The following TBL1X variants were observed in gnomAD, a reference collection of about 807,000 sequenced individuals.
TBL1X encodes the protein transducin beta like 1 X-linked.
TBL1X carries 10 observed loss-of-function variants against 50.7 expected under a neutral mutation model. The observed-to-expected ratio is 0.20, with a 90% CI of 0.12 to 0.33. The LOEUF (loss-of-function observed/expected upper bound fraction) is 0.33. TBL1X is among the 10% of genes least tolerant of loss of function. The probability of loss-of-function intolerance (pLI) is 1.00; values close to 1 mark genes in which losing one functional copy is unlikely to be tolerated. For missense variants in TBL1X, 340 were observed against 504.4 expected, an observed-to-expected ratio of 0.67 and a Z score of 3.12; for synonymous variants, 190 against 214.7, an observed-to-expected ratio of 0.88 and a Z score of 1.01.
intron 5 of TBL1X, among the ~76,000 whole-genome samples, chrX:9,673,806 G>A (rs1355401894): frequency 8.9e-6 from 1 of 112,189 alleles, no homozygotes; most frequent in Non-Finnish European, 1.9e-5. Context: ...GCTCACGCCT[G>A]TAGTAATCCC....
rs1255231631 is a variant in TBL1X, at chrX:9,664,821, A to G, written c.211+10499A>G. On this transcript the variant is annotated intron_variant, in intron 5 of 17. Transcript: ENST00000645353. ...TTTCTTGGCCTTGGCACTATTGACA[A>G]TGGCGGCTGGATTGTTCTTCATCTT... Among the ~76,000 whole-genome samples the G allele has an allele frequency of 2.7e-5, 3 of 111,217 alleles. No individual in the cohort carries two copies. The Admixed American group carries it at 2.9e-4, about 11-fold the overall frequency.
chrX:9,716,570 T>C lies in TBL1X; in HGVS notation c.*324T>C, dbSNP rs996522817. On this transcript the variant is annotated 3_prime_UTR_variant, in exon 18 of 18. Transcript: ENST00000645353. The stretch of plus-strand genomic sequence containing the variant: ...CGGAACAGGCTCTGTGATGGCTGAA[T>C]GGAAAGAAACGTAAAAAGCTGTGCC... 6.7e-5 allele frequency: 11 copies of C among 163,414 alleles called. No homozygotes were observed. The highest frequency in any genetic ancestry group is 3.5e-4 in the African/African-American group (11 of 31,716). The allele number at this position is 163,414 out of a possible 1,213,427, so 13.5% of individuals were successfully genotyped here.
At chrX:9,665,488 GCTATATATATATATATATATATATATAT>G (rs1399294845) in intron 5 of TBL1X, among the ~76,000 whole-genome samples, 1 of 15,063 alleles carries the variant, frequency 6.6e-5, no homozygotes, top group East Asian at 2.9e-3. Flanking sequence ...TGATATTCAA[GCTATATATATATATATATATATATATAT>G]ATATATATAT....
At chrX:9,497,853 CTG>C (rs2081980415) in intron 1 of TBL1X, among the ~76,000 whole-genome samples, 1 of 90,430 alleles carries the variant, frequency 1.1e-5, no homozygotes. Context: ...CTCTCTCTCT[CTG>C]TCTCCCTCTC....
chrX:9,656,772 G>A (rs1257325318), intron 5 of TBL1X, among the ~76,000 whole-genome samples: 4 of 112,224 alleles, frequency 3.6e-5, no homozygotes, highest in African/African-American at 1.3e-4. Context: ...TGTATTCAAA[G>A]GAAGAAGGGA....
intron 2 of TBL1X, among the ~76,000 whole-genome samples, chrX:9,532,635 G>C (rs1167431919): frequency 9.0e-6 from 1 of 111,256 alleles, no homozygotes; most frequent in Non-Finnish European, 1.9e-5. Context: ...CACAGTCCTG[G>C]AGGTTCTAAG....
chrX:9,496,289 C>T (rs1179710121), intron 1 of TBL1X, among the ~76,000 whole-genome samples: 1 of 112,005 alleles, frequency 8.9e-6, no homozygotes, highest in Non-Finnish European at 1.9e-5. Flanking sequence ...GGCCAACAAG[C>T]CAGAGAACCC....
At chrX:9,503,232 G>T (rs940347523) in intron 2 of TBL1X, among the ~76,000 whole-genome samples, 1 of 111,798 alleles carries the variant, frequency 8.9e-6, no homozygotes, top group Non-Finnish European at 1.9e-5. Flanking sequence ...CCTCACTCCA[G>T]ATAAGGCAGG....
chrX:9,572,369 C>T (rs2082390560), intron 2 of TBL1X, among the ~76,000 whole-genome samples: 1 of 113,026 alleles, frequency 8.8e-6, no homozygotes, highest in Non-Finnish European at 1.9e-5. Flanking sequence ...AGCCGGCCTT[C>T]GCCATGTCCC....
chrX:9,569,368 T>G (rs748001811), intron 2 of TBL1X, among the ~76,000 whole-genome samples: 9 of 108,938 alleles, frequency 8.3e-5, no homozygotes, highest in Non-Finnish European at 1.7e-4. Context: ...GTGTGTGGTG[T>G]GCTGTGTGTG....
At chrX:9,643,848 G>A (rs763590476) in intron 3 of TBL1X, among the ~76,000 whole-genome samples, 63 of 112,116 alleles carry the variant, frequency 5.6e-4, no homozygotes, top group Non-Finnish European at 1.1e-3. Context: ...GCAACACAGT[G>A]AGACCCTGTC....
intron 1 of TBL1X, among the ~76,000 whole-genome samples, chrX:9,480,642 G>A (rs2081876499): frequency 9.1e-6 from 1 of 110,055 alleles, no homozygotes; most frequent in Non-Finnish European, 1.9e-5. Context: ...AAATTCTTGA[G>A]TTATTATGGC....
intron 13 of TBL1X, among the ~76,000 whole-genome samples, chrX:9,708,052 G>A (rs2083220307): frequency 8.9e-6 from 1 of 112,268 alleles, no homozygotes; most frequent in African/African-American, 3.2e-5. Context: ...GACAGCAGGT[G>A]TCACATGGTG....
chrX:9,683,914 C>A, intron 5 of TBL1X, 129 bp from the exon 6 acceptor site: 1 of 1,027,542 alleles, frequency 9.7e-7, no homozygotes, highest in Non-Finnish European at 1.4e-6. Context: ...CCTGGGCATT[C>A]TGCAGCCGTG....
intron 2 of TBL1X, among the ~76,000 whole-genome samples, chrX:9,600,543 CGTT>C (rs1028450880): frequency 9.3e-6 from 1 of 107,704 alleles, no homozygotes; most frequent in African/African-American, 3.5e-5. Context: ...GAGAGAATGA[CGTT>C]GTTCCTTTGT....
intron 2 of TBL1X, among the ~76,000 whole-genome samples, chrX:9,514,541 G>A (rs1367887275): frequency 2.7e-5 from 3 of 112,084 alleles, no homozygotes; most frequent in Non-Finnish European, 5.6e-5. Context: ...AACAGAGACT[G>A]TGTTAGATTT....
chrX:9,565,812 CAGTG>C (rs768714503), intron 2 of TBL1X, among the ~76,000 whole-genome samples: 1 of 111,092 alleles, frequency 9.0e-6, no homozygotes, highest in Non-Finnish European at 1.9e-5. Context: ...GCCTGGGTGA[CAGTG>C]AGACCCTGTC....
Position 9,538,794 on chromosome X carries a change from C to T in TBL1X, c.-131+36945C>T. 1.8e-5 allele frequency among the ~76,000 whole-genome samples: 2 copies of T among 112,917 alleles called. 1 individual carries two copies. The highest frequency in any genetic ancestry group is 5.6e-4 in the East Asian group (2 of 3,586). The stretch of plus-strand genomic sequence containing the variant: ...CTCTGATGAGCCTGAAGTCTGCATG[C>T]TTCGCCTTTGGTAGGGAAAGGCAGC... On this transcript the variant is annotated intron_variant, in intron 2 of 17. Coordinates refer to ENST00000645353, the MANE Select transcript of TBL1X (RefSeq NM_005647.4).
intron 2 of TBL1X, among the ~76,000 whole-genome samples, chrX:9,619,207 C>T (rs1192274639): frequency 8.9e-6 from 1 of 112,223 alleles, no homozygotes; most frequent in Non-Finnish European, 1.9e-5. Context: ...GAGACACCAC[C>T]CCCCGCAAGT....
Sources: gnomAD v4.1 joint callset for allele counts (sites outside exome capture counted in the v4.1 genomes callset) on GRCh38, gnomAD v4.1.1 for gene constraint, MANE v1.5 for transcripts, NCBI Gene and HGNC (gene_info 2026-07-23, HGNC 2026-07-21) for gene names.